Variants in CPT1A observed in about 807,000 individuals in gnomAD.
The protein encoded by CPT1A is carnitine palmitoyltransferase 1A, also known as carnitine O-palmitoyltransferase 1, liver isoform.
In CPT1A, 64 loss-of-function variants were observed where a neutral mutation model predicts 100.8. The observed-to-expected ratio is 0.63, with a 90% CI of 0.52 to 0.78. The LOEUF is 0.78. CPT1A is among the 30% of genes least tolerant of loss of function. The probability of loss-of-function intolerance (pLI) is 0.00; values close to 1 mark genes in which losing one functional copy is unlikely to be tolerated. For missense variants in CPT1A, 802 were observed against 1,034.1 expected (o/e 0.78, Z 3.08); for synonymous variants, 363 against 396.0 (o/e 0.92, Z 0.99).
chr11:68,821,298 C>A (rs1856575565), intron 1 of CPT1A, among the ~76,000 whole-genome samples: 1 of 152,022 alleles, frequency 6.6e-6, no homozygotes, highest in South Asian at 2.1e-4. Context: ...GATTACAGGC[C>A]CCCACCACCA....
intron 14 of CPT1A, among the ~76,000 whole-genome samples, chr11:68,772,048 C>T (rs1473344683): frequency 6.6e-6 from 1 of 152,194 alleles, no homozygotes; most frequent in African/African-American, 2.4e-5. Flanking sequence ...CATATGTGTA[C>T]AGCACTCAAG....
chr11:68,759,327 A>G (rs1383203732), intron 18 of CPT1A, among the ~76,000 whole-genome samples: 1 of 151,206 alleles, frequency 6.6e-6, no homozygotes, highest in Non-Finnish European at 1.5e-5. Context: ...CCCGGGAGGC[A>G]GAGGTTACAG....
chr11:68,826,686 T>C (rs1309202805), intron 1 of CPT1A, among the ~76,000 whole-genome samples: 2 of 147,356 alleles, frequency 1.4e-5, no homozygotes, highest in Non-Finnish European at 3.0e-5. Context: ...TGCAGTGAGC[T>C]GAGATCAGGC....
intron 11 of CPT1A, among the ~76,000 whole-genome samples, chr11:68,781,451 C>T (rs994024837): frequency 1.3e-5 from 2 of 152,050 alleles, no homozygotes; most frequent in South Asian, 4.1e-4. Flanking sequence ...GAAATCCTGT[C>T]TCTACTAAAA....
At chr11:68,832,373 C>G (rs1452999688) in intron 1 of CPT1A, among the ~76,000 whole-genome samples, 1 of 152,208 alleles carries the variant, frequency 6.6e-6, no homozygotes, top group Non-Finnish European at 1.5e-5. Flanking sequence ...TTTCTTGAAC[C>G]TGGCAGGTGG....
chr11:68,799,405 C>A, intron 5 of CPT1A, 50 bp from the exon 6 acceptor site: 1 of 1,596,892 alleles, frequency 6.3e-7, no homozygotes, highest in Non-Finnish European at 8.6e-7. Context: ...ACATATTAAT[C>A]AAAGCCTATG....
chr11:68,817,054 TG>T (rs55660219), intron 1 of CPT1A, among the ~76,000 whole-genome samples: 86,052 of 95,252 alleles, frequency 0.9, 40,681 homozygotes, highest in Non-Finnish European at 0.99. Context: ...TGTGGTTGTG[TG>T]GGGGGTGGGT....
Position 68,757,657 on chromosome 11 carries a change from T to C in CPT1A, c.2309A>G (p.Asn770Ser), listed in dbSNP as rs747003369. 3.5e-5 allele frequency: 57 copies of C among 1,614,054 alleles called. No individual in the cohort carries two copies. The highest frequency in any genetic ancestry group is 4.7e-5 in the Non-Finnish European group (55 of 1,180,018). ...GCTCCAGTGGAATTACTTTTTGGAA[T>C]TAGAACTGAGACCAAACAAAGTGAT... ...DIITLFGLSS[N>S]SKK Residue 770 changes from asparagine to serine, a missense_variant, in exon 19 of 19, where the codon AAT becomes AGT. Asn to Ser is a conservative substitution (Grantham distance 46). This residue lies in a region of CPT1A where 627 missense variants were observed against 799.3 expected (regional missense o/e 0.78). Coordinates refer to ENST00000265641, the MANE Select transcript of CPT1A (RefSeq NM_001876.4).
rs931340880 is a variant in CPT1A, at chr11:68,839,810, C to T, written c.-14+1965G>A. 23 of 638,378 alleles carry T rather than the reference C, an allele frequency of 3.6e-5. No homozygotes were observed. In the African/African-American group the frequency reaches 4.2e-4, roughly 12 times the overall value. The allele number at this position is 638,378 out of a possible 1,614,324, so 39.5% of individuals were successfully genotyped here. ...TCCCCGGAGGCCCAACTTGACCGCT[C>T]GGTGACCACTGGTCCGGGGCCGGGG... is the stretch of plus-strand genomic sequence containing the variant. On this transcript the variant is annotated intron_variant, in intron 1 of 18. Coordinates refer to ENST00000265641, the MANE Select transcript of CPT1A (RefSeq NM_001876.4).
chr11:68,838,331 C>T lies in CPT1A; in HGVS notation c.-14+3444G>A, dbSNP rs560110563. On this transcript the variant is annotated intron_variant, in intron 1 of 18. Transcript: ENST00000265641. ...GATACCCAAATAGGGTAGCTGGCCTCAGCCCAGGGCCTGCTGGAGATCCAA... is the reference window on the plus strand; with the variant it reads ...GATACCCAAATAGGGTAGCTGGCCTTAGCCCAGGGCCTGCTGGAGATCCAA... Among the ~76,000 whole-genome samples, 96 of 152,134 alleles carry T rather than the reference C, an allele frequency of 6.3e-4. 1 individual carries two copies. The highest frequency in any genetic ancestry group is 3.4e-3 in the Middle Eastern group (1 of 294).
chr11:68,842,014 T>A, upstream of CPT1A: 1 of 968,042 alleles, frequency 1.0e-6, no homozygotes. Context: ...TCCGCGGGGC[T>A]AGGAGGGGAG....
At chr11:68,767,184 A>G (rs947925009) in intron 14 of CPT1A, among the ~76,000 whole-genome samples, 1 of 152,252 alleles carries the variant, frequency 6.6e-6, no homozygotes, top group Non-Finnish European at 1.5e-5. Context: ...ATGAAAACAA[A>G]AATGAAAACA....
intron 1 of CPT1A, among the ~76,000 whole-genome samples, chr11:68,816,755 CGTGTGT>C (rs5792452): frequency 6.9e-6 from 1 of 145,214 alleles, no homozygotes; most frequent in African/African-American, 2.5e-5. Flanking sequence ...TCCAAAAACT[CGTGTGT>C]GTGTGTGTGT....
chr11:68,801,358 G>C (rs1461838331), intron 5 of CPT1A, among the ~76,000 whole-genome samples: 1 of 152,042 alleles, frequency 6.6e-6, no homozygotes, highest in Non-Finnish European at 1.5e-5. Flanking sequence ...GGCCAGGTAT[G>C]GTAGCTTGTG....
intron 1 of CPT1A, among the ~76,000 whole-genome samples, chr11:68,821,783 C>T (rs1423653620): frequency 6.6e-6 from 1 of 152,156 alleles, no homozygotes; most frequent in Non-Finnish European, 1.5e-5. Flanking sequence ...GGATACAAAG[C>T]TGACCGTATA....
At chr11:68,759,320 G>A (rs533835744) in intron 18 of CPT1A, among the ~76,000 whole-genome samples, 5 of 151,356 alleles carry the variant, frequency 3.3e-5, no homozygotes, top group South Asian at 2.1e-4. Flanking sequence ...ACTTGAGCCC[G>A]GGAGGCAGAG....
chr11:68,827,113 C>T (rs1415234298), intron 1 of CPT1A, among the ~76,000 whole-genome samples: 1 of 152,080 alleles, frequency 6.6e-6, no homozygotes, highest in African/African-American at 2.4e-5. Context: ...GCGGGCAGAT[C>T]GCTTGAGCCC....
At chr11:68,810,708 G>A (rs1856177673) in intron 3 of CPT1A, among the ~76,000 whole-genome samples, 1 of 152,162 alleles carries the variant, frequency 6.6e-6, no homozygotes, top group South Asian at 2.1e-4. Flanking sequence ...ATCAAGGCTG[G>A]GCATGGTGGC....
chr11:68,830,397 C>A (rs1566389312), intron 1 of CPT1A, among the ~76,000 whole-genome samples: 2 of 152,216 alleles, frequency 1.3e-5, no homozygotes, highest in East Asian at 1.9e-4. Context: ...GGGGTGCCCA[C>A]CAACTCCCAG....
Sources: allele counts gnomAD v4.1 joint callset (sites outside exome capture counted in the v4.1 genomes callset), GRCh38; gene constraint gnomAD v4.1.1; regional missense constraint gnomAD v4.1.1; transcripts MANE v1.5; gene names NCBI Gene and HGNC (gene_info 2026-07-23, HGNC 2026-07-21).